The following DRP2 variants were observed in gnomAD, a reference collection of about 807,000 sequenced individuals.
The protein encoded by DRP2 is dystrophin related protein 2.
DRP2 carries 29 observed loss-of-function variants against 78.2 expected under a neutral mutation model. The observed-to-expected ratio is 0.37, with a 90% CI of 0.28 to 0.51. DRP2 has a LOEUF of 0.51. Ranked by LOEUF, DRP2 falls within the 20% of genes least tolerant of loss-of-function variation. DRP2 has a pLI of 0.94. For missense variants in DRP2, 686 were observed against 770.6 expected, an observed-to-expected ratio of 0.89 and a Z score of 1.30; for synonymous variants, 290 against 281.9, an observed-to-expected ratio of 1.03 and a Z score of -0.29.
chrX:101,239,881 A>AT (rs1332282590), intron 6 of DRP2, among the ~76,000 whole-genome samples: 1 of 110,003 alleles, frequency 9.1e-6, no homozygotes, highest in African/African-American at 3.3e-5. Context: ...CTGGCCCAAA[A>AT]TTTTTTTTTA....
At chrX:101,242,529 G>A in intron 8 of DRP2, 58 bp downstream of exon 8, 1 of 1,156,955 alleles carries the variant, frequency 8.6e-7, no homozygotes, top group East Asian at 3.0e-5. Context: ...CTAGGCTTGG[G>A]GGAAACTTCT....
chrX:101,248,821 C>T (rs73635565), intron 14 of DRP2, among the ~76,000 whole-genome samples: 4,597 of 112,083 alleles, frequency 0.041, 236 homozygotes, highest in African/African-American at 0.14. Context: ...GTCACTCCAA[C>T]GGGCTTCATT....
chrX:101,254,073 G>A (rs1274742292), intron 17 of DRP2, among the ~76,000 whole-genome samples: 2 of 111,185 alleles, frequency 1.8e-5, no homozygotes, highest in Admixed American at 9.6e-5. Context: ...CTTGAGCCCA[G>A]GAGTTCAAGA....
chrX:101,235,565 G>A (rs1335880242), intron 3 of DRP2, among the ~76,000 whole-genome samples: 2 of 112,382 alleles, frequency 1.8e-5, no homozygotes, highest in Admixed American at 1.9e-4. Flanking sequence ...CCTGAGGAGT[G>A]GGGGCCCAGC....
chrX:101,248,231 G>A lies in DRP2; in HGVS notation c.1395G>A (p.Leu465=). The A allele has an allele frequency of 8.3e-7, 1 of 1,211,524 alleles. No homozygotes were observed. Among genetic ancestry groups the A allele is most frequent in the Non-Finnish European group, 1.1e-6 (1 of 895,468 alleles). ...GTTTGGAGGAGGAAAGAGGCATCCT[G>A]GTCAACGTGCCACTCTGTGTGGACA... ...YERLEEERGI[L]VNVPLCVDMS... is the part of the protein sequence containing the mutation. The change falls in exon 13 of 24, where the codon CTG becomes CTA. Residue 465 remains leucine (L), a synonymous_variant. Coordinates refer to ENST00000395209, the MANE Select transcript of DRP2 (RefSeq NM_001939.3).
chrX:101,235,762 C>T, intron 3 of DRP2, 98 bp from the exon 4 acceptor site: 1 of 910,008 alleles, frequency 1.1e-6, no homozygotes, highest in South Asian at 2.6e-5. Flanking sequence ...GGCAGCAACC[C>T]TTCTCTCCCC....
At chrX:101,259,842 G>A (rs144275738) in intron 22 of DRP2, among the ~76,000 whole-genome samples, 2 of 112,404 alleles carry the variant, frequency 1.8e-5, no homozygotes, top group East Asian at 5.6e-4. Context: ...GACACATGTT[G>A]TTAAAGGAAG....
rs1923517282 is a variant in DRP2, at chrX:101,260,569, T to C, written c.2822T>C (p.Phe941Ser). Residue 941 changes from phenylalanine (F) to serine (S), a missense_variant, in exon 24 of 24, where the codon TTC becomes TCC. Around this residue, in one of 2 missense-constraint regions of DRP2, gnomAD observed 423 missense variants for 531.5 expected, o/e 0.80. Transcript: ENST00000395209. ...EDIMEKLRHAFPSVRSSDVTA... is the reference protein window; with the variant it reads ...EDIMEKLRHASPSVRSSDVTA... The stretch of plus-strand genomic sequence containing the variant: ...ATCATGGAGAAACTCCGTCATGCCT[T>C]CCCCAGTGTGCGAAGTTCTGATGTG... 8.3e-7 allele frequency: 1 copy of C among 1,211,511 alleles called. No individual in the cohort carries two copies. Among genetic ancestry groups the C allele is most frequent in the Non-Finnish European group, 1.1e-6 (1 of 895,428 alleles).
rs138458691 is a variant in DRP2 at position 101,226,464 on chromosome X, C to T, written c.-64+1758C>T. The stretch of plus-strand genomic sequence containing the variant: ...AATAAATATCAGGTGTGGGTTTTGT[C>T]CCCCATGAGCCAACAATCTTGCTTT... On this transcript the variant is annotated intron_variant, in intron 2 of 23. Transcript: ENST00000395209. Among the ~76,000 whole-genome samples, 47 of 111,759 alleles carry T rather than the reference C, an allele frequency of 4.2e-4. 1 individual carries two copies. In the East Asian group the frequency reaches 7.6e-3, roughly 18 times the overall value.
chrX:101,235,593 TC>T (rs1922469799), intron 3 of DRP2, among the ~76,000 whole-genome samples: 1 of 112,240 alleles, frequency 8.9e-6, no homozygotes, highest in South Asian at 3.7e-4. Context: ...TGTTAACCTT[TC>T]CCTAGGTCCA....
At position 101,242,907 on chromosome X, in the gene DRP2, T is replaced by C. The variant is rs1305550757; in HGVS notation, c.979T>C (p.Ser327Pro). Residue 327 changes from serine to proline, a missense_variant, in exon 9 of 24, where the codon TCA (serine) becomes CCA (proline). Transcript: ENST00000395209. ...INVRWKQLQA[S>P]VSERLKQLQD... is the part of the protein sequence containing the mutation. Reference sequence around the variant, plus strand: ...CCTCACCCTGTTCTTTCCATAGGCGTCAGTTAGTGAGAGGCTTAAGCAGCT... The same window carrying C: ...CCTCACCCTGTTCTTTCCATAGGCGCCAGTTAGTGAGAGGCTTAAGCAGCT... The C allele has an allele frequency of 1.7e-6, 2 of 1,210,376 alleles. No individual in the cohort carries two copies. Among genetic ancestry groups the C allele is most frequent in the Admixed American group, 2.2e-5 (1 of 45,957 alleles).
At chrX:101,259,903 A>T in intron 22 of DRP2, 146 bp from the exon 23 acceptor site, 1 of 703,715 alleles carries the variant, frequency 1.4e-6, no homozygotes, top group Non-Finnish European at 2.1e-6. Flanking sequence ...AGTGGAAGCC[A>T]CTGTTTTAGG....
intron 21 of DRP2, among the ~76,000 whole-genome samples, chrX:101,256,651 C>T (rs773284622): frequency 3.7e-5 from 4 of 107,407 alleles, no homozygotes; most frequent in Non-Finnish European, 5.7e-5. Flanking sequence ...TGAGTTCAAA[C>T]GATTCTCATG....
rs773152749 is a variant in DRP2, at chrX:101,258,429, C to T, written c.2511C>T (p.Ala837=). 20 of 1,204,507 alleles carry T rather than the reference C, an allele frequency of 1.7e-5. No individual in the cohort carries two copies. Among genetic ancestry groups the T allele is most frequent in the East Asian group, 1.5e-4 (5 of 33,617 alleles). Residue 837 remains alanine, a synonymous_variant, in exon 22 of 24, where the codon GCC becomes GCT. Transcript: ENST00000395209. ...ATDHRNEELL[A]EARILRQHKS... ...ACCACCGCAATGAGGAGCTTCTGGCCGAGGCCCGTATCCTTCGGCAACATA... is the reference window on the plus strand; with the variant it reads ...ACCACCGCAATGAGGAGCTTCTGGCTGAGGCCCGTATCCTTCGGCAACATA...
At position 101,231,617 on chromosome X, in the gene DRP2, A is replaced by G. The variant is rs1922310141; in HGVS notation, c.-31A>G. The G allele has an allele frequency of 8.8e-7, 1 of 1,140,350 alleles. No individual in the cohort carries two copies. Among genetic ancestry groups the G allele is most frequent in the Non-Finnish European group, 1.2e-6 (1 of 830,637 alleles). 94.0% of individuals were successfully genotyped at this position (1,140,350 alleles called of 1,213,427 possible). On this transcript the variant is annotated 5_prime_UTR_variant, in exon 3 of 24. Coordinates refer to ENST00000395209, the MANE Select transcript of DRP2 (RefSeq NM_001939.3). Reference sequence around the variant, plus strand: ...ATGATCAATAGTTGGTGCACTGCCTATCCTCATCCCCCCCATGAGCCTTGG... The same window carrying G: ...ATGATCAATAGTTGGTGCACTGCCTGTCCTCATCCCCCCCATGAGCCTTGG...
intron 6 of DRP2, among the ~76,000 whole-genome samples, chrX:101,240,226 T>A (rs759739128): frequency 3.6e-4 from 40 of 111,916 alleles, no homozygotes; most frequent in Non-Finnish European, 6.8e-4. Flanking sequence ...TTTTTTTGTG[T>A]TTAGTCTTTG....
intron 19 of DRP2, 99 bp downstream of exon 19, chrX:101,255,023 G>T: frequency 9.0e-7 from 1 of 1,115,064 alleles, no homozygotes. Flanking sequence ...CAGGGCCAGG[G>T]GATGTGCACA....
Position 101,242,945 on chromosome X carries a change from C to T in DRP2, c.1017C>T (p.His339=). The part of the protein sequence containing the change: ...SERLKQLQDA[H]RDFGPGSQHF... ...GGCTTAAGCAGCTCCAGGATGCCCA[C>T]CGGGACTTTGGGCCTGGGTCACAGC... is the stretch of plus-strand genomic sequence containing the variant. The change falls in exon 9 of 24, where the codon CAC becomes CAT. Residue 339 remains histidine (H), a synonymous_variant. Coordinates refer to ENST00000395209, the MANE Select transcript of DRP2 (RefSeq NM_001939.3). 1 of 1,211,179 alleles carries T rather than the reference C, an allele frequency of 8.3e-7. No homozygotes were observed. The highest frequency in any genetic ancestry group is 1.8e-5 in the South Asian group (1 of 56,897).
At chrX:101,224,198 T>TTTG (rs1922016253) in intron 1 of DRP2, among the ~76,000 whole-genome samples, 5 of 61,415 alleles carry the variant, frequency 8.1e-5, no homozygotes, top group Non-Finnish European at 1.2e-4. Flanking sequence ...TTTGTTTTTT[T>TTTG]TTTTTTTTTT....
Sources: gnomAD v4.1 joint callset for allele counts (sites outside exome capture counted in the v4.1 genomes callset) on GRCh38, gnomAD v4.1.1 for gene constraint, gnomAD v4.1.1 regional missense constraint, MANE v1.5 for transcripts, NCBI Gene and HGNC (gene_info 2026-07-23, HGNC 2026-07-21) for gene names.